LEKR1: variants seen among roughly 807,000 people sequenced by gnomAD.
LEKR1 encodes the protein protein LEKR1.
In LEKR1, 59 loss-of-function variants were observed where a neutral mutation model predicts 72.4. The observed-to-expected ratio is 0.82, with a 90% CI of 0.66 to 1.01. The LOEUF is 1.01. Ranked by LOEUF, LEKR1 falls within the 50% of genes least tolerant of loss-of-function variation. The pLI is 0.00. For missense variants in LEKR1, 728 were observed against 759.2 expected, an observed-to-expected ratio of 0.96 and a Z score of 0.48; for synonymous variants, 257 against 263.2, an observed-to-expected ratio of 0.98 and a Z score of 0.23.
chr3:156,952,635 C>A (rs929106968), intron 6 of LEKR1, among the ~76,000 whole-genome samples: 18 of 151,420 alleles, frequency 1.2e-4, no homozygotes, highest in African/African-American at 4.1e-4. Context: ...TACAATTACT[C>A]TAGAGACTAG....
intron 3 of LEKR1, among the ~76,000 whole-genome samples, chr3:156,861,833 T>C (rs1460710197): frequency 6.6e-6 from 1 of 152,128 alleles, no homozygotes; most frequent in African/African-American, 2.4e-5. Flanking sequence ...AACATGTAGA[T>C]CTAAGATCAG....
At chr3:157,011,916 A>G (rs1232973047) in intron 10 of LEKR1, among the ~76,000 whole-genome samples, 1 of 152,010 alleles carries the variant, frequency 6.6e-6, no homozygotes, top group African/African-American at 2.4e-5. Context: ...TTGGTTTTGG[A>G]CTTTTGACAT....
At chr3:157,007,079 G>C (rs1382781975) in intron 9 of LEKR1, among the ~76,000 whole-genome samples, 1 of 152,192 alleles carries the variant, frequency 6.6e-6, no homozygotes, top group Non-Finnish European at 1.5e-5. Flanking sequence ...GCGGGCGCCT[G>C]TAGTCCCAGC....
chr3:156,958,455 T>C (rs1346709914), intron 6 of LEKR1, among the ~76,000 whole-genome samples: 1 of 152,114 alleles, frequency 6.6e-6, no homozygotes, highest in Non-Finnish European at 1.5e-5. Context: ...TCTTCTTGTC[T>C]CTAGGGTCCA....
intron 9 of LEKR1, among the ~76,000 whole-genome samples, chr3:157,001,962 A>G (rs1383934403): frequency 1.3e-5 from 2 of 152,184 alleles, no homozygotes; most frequent in Non-Finnish European, 2.9e-5. Flanking sequence ...TTTAATTTCT[A>G]TCAAACAACT....
chr3:156,980,144 T>C (rs1008373898), intron 7 of LEKR1: 1 of 152,218 alleles, frequency 6.6e-6, no homozygotes, highest in Non-Finnish European at 1.5e-5. Context: ...TAGATTCTTT[T>C]ACTTTATGAT....
chr3:156,960,579 C>T (rs1728034806), intron 6 of LEKR1, among the ~76,000 whole-genome samples: 2 of 152,176 alleles, frequency 1.3e-5, no homozygotes, highest in South Asian at 4.1e-4. Context: ...AGCCACCATG[C>T]CTGGCCCAAG....
At chr3:156,859,968 G>A (rs1014260725) in intron 3 of LEKR1, among the ~76,000 whole-genome samples, 1 of 152,128 alleles carries the variant, frequency 6.6e-6, no homozygotes, top group African/African-American at 2.4e-5. Flanking sequence ...TGGAGACTTC[G>A]ACAGCACCTT....
At chr3:156,936,689 A>G (rs543541523) in intron 5 of LEKR1, among the ~76,000 whole-genome samples, 1 of 152,282 alleles carries the variant, frequency 6.6e-6, no homozygotes, top group South Asian at 2.1e-4. Context: ...AATATACTCA[A>G]CTGATTTTTG....
Position 157,038,266 on chromosome 3 carries a change from A to G in LEKR1, c.1669-7074A>G, listed in dbSNP as rs181706695. Reference sequence around the variant, plus strand: ...GATATGAAAGCATAAAAAGGAGTCAAGGATAACTCCAAAGCTTGGAATCTC... The same window carrying G: ...GATATGAAAGCATAAAAAGGAGTCAGGGATAACTCCAAAGCTTGGAATCTC... On this transcript the variant is annotated intron_variant, in intron 12 of 12. Coordinates refer to ENST00000356539, the MANE Select transcript of LEKR1 (RefSeq NM_001004316.3). 7.2e-5 allele frequency among the ~76,000 whole-genome samples: 11 copies of G among 152,338 alleles called. No homozygotes were observed. In the East Asian group the frequency reaches 1.7e-3, roughly 24 times the overall value.
At chr3:156,973,824 C>CT (rs1189525523) in intron 6 of LEKR1, among the ~76,000 whole-genome samples, 2 of 152,220 alleles carry the variant, frequency 1.3e-5, no homozygotes, top group East Asian at 3.9e-4. Flanking sequence ...AGAGACACTA[C>CT]TTTGTATTCT....
At chr3:156,856,466 C>A (rs923724483) in intron 3 of LEKR1, among the ~76,000 whole-genome samples, 1 of 152,074 alleles carries the variant, frequency 6.6e-6, no homozygotes, top group Non-Finnish European at 1.5e-5. Context: ...TCAGCTTTTC[C>A]GATTCCATAA....
At chr3:157,027,448 C>T (rs1329717856) in intron 11 of LEKR1, among the ~76,000 whole-genome samples, 1 of 152,054 alleles carries the variant, frequency 6.6e-6, no homozygotes, top group African/African-American at 2.4e-5. Flanking sequence ...CCTTGCATTC[C>T]CCCAAAATCA....
chr3:157,026,249 C>T (rs1027980136), intron 11 of LEKR1, among the ~76,000 whole-genome samples: 1 of 152,112 alleles, frequency 6.6e-6, no homozygotes, highest in Non-Finnish European at 1.5e-5. Flanking sequence ...TTTCTTCTTC[C>T]TCTCACTCTG....
chr3:156,995,241 G>T (rs1264225425), intron 9 of LEKR1, among the ~76,000 whole-genome samples: 2 of 151,966 alleles, frequency 1.3e-5, no homozygotes, highest in Non-Finnish European at 2.9e-5. Flanking sequence ...AGCTTTCTTG[G>T]GGAATTGCTT....
intron 6 of LEKR1, among the ~76,000 whole-genome samples, chr3:156,976,524 T>C (rs924601164): frequency 6.6e-6 from 1 of 152,006 alleles, no homozygotes; most frequent in Non-Finnish European, 1.5e-5. Context: ...ATAATATATA[T>C]TTAAGCTTTC....
At chr3:156,840,088 CTCTT>C (rs975427649) in intron 2 of LEKR1, among the ~76,000 whole-genome samples, 62 of 152,230 alleles carry the variant, frequency 4.1e-4, no homozygotes, top group Middle Eastern at 3.4e-3. Flanking sequence ...AATATATTTC[CTCTT>C]TCTTATGATG....
rs1305462237 is a variant in LEKR1, at chr3:156,927,580, T to A, written c.535T>A (p.Ser179Thr). The A allele has an allele frequency of 8.1e-7, 1 of 1,234,240 alleles. No individual in the cohort carries two copies. The highest frequency in any genetic ancestry group is 1.0e-6 in the Non-Finnish European group (1 of 968,290). 76.5% of individuals were successfully genotyped at this position (1,234,240 alleles called of 1,614,324 possible). A position where few individuals can be genotyped will look rare whatever the true frequency, so the allele number is the denominator to read the frequency against. The change falls in exon 5 of 13, where the codon TCT (serine) becomes ACT (threonine). Residue 179 changes from serine to threonine, a missense_variant. Transcript: ENST00000356539. Reference protein sequence around the residue: ...LKGAVFLQIKSISETALTEID... With the variant: ...LKGAVFLQIKTISETALTEID... ...AGGAGCAGTTTTTCTACAAATTAAATCTATAAGTGAAACAGCCTTGACAGG... is the reference window on the plus strand; with the variant it reads ...AGGAGCAGTTTTTCTACAAATTAAAACTATAAGTGAAACAGCCTTGACAGG...
At position 157,028,287 on chromosome 3, in the gene LEKR1, A is replaced by G. The variant is rs1033947081; in HGVS notation, c.1553A>G (p.Asn518Ser). The stretch of plus-strand genomic sequence containing the variant: ...CGCTTGAAGAAGGAAATTGACAGTA[A>G]TGATTCAGTTTCAGAAAACTTGAGG... Reference protein sequence around the residue: ...ESRLKKEIDSNDSVSENLRKE... With the variant: ...ESRLKKEIDSSDSVSENLRKE... Residue 518 changes from asparagine (N) to serine (S), a missense_variant, in exon 12 of 13, where the codon AAT (asparagine) becomes AGT (serine). By Grantham distance (46) the Asn-to-Ser change is conservative (BLOSUM62 1). Coordinates refer to ENST00000356539, the MANE Select transcript of LEKR1 (RefSeq NM_001004316.3). The G allele has an allele frequency of 5.9e-5, 95 of 1,613,344 alleles. No homozygotes were observed. The highest frequency in any genetic ancestry group is 7.6e-5 in the Non-Finnish European group (90 of 1,179,604).
Sources: allele counts gnomAD v4.1 joint callset (sites outside exome capture counted in the v4.1 genomes callset), GRCh38; gene constraint gnomAD v4.1.1; transcripts MANE v1.5; gene names NCBI Gene and HGNC (gene_info 2026-07-23, HGNC 2026-07-21).